Variants in ZFP91 observed in about 807,000 individuals in gnomAD.
The protein encoded by ZFP91 is ZFP91 zinc finger protein, atypical E3 ubiquitin ligase.
A neutral mutation model predicts 63.5 loss-of-function variants in ZFP91; 7 were observed. The ratio of observed to expected loss-of-function variants is 0.11; its 90% CI spans 0.06 to 0.21. ZFP91 has a LOEUF of 0.21. ZFP91 is among the 10% of genes least tolerant of loss of function. The probability of loss-of-function intolerance (pLI) is 1.00; values close to 1 mark genes in which losing one functional copy is unlikely to be tolerated. For missense variants in ZFP91, 628 were observed against 736.6 expected, an observed-to-expected ratio of 0.85 and a Z score of 1.71; for synonymous variants, 330 against 272.1, an observed-to-expected ratio of 1.21 and a Z score of -2.10.
At chr11:58,604,934 A>G (rs746756738) in intron 2 of ZFP91, among the ~76,000 whole-genome samples, 11 of 152,076 alleles carry the variant, frequency 7.2e-5, no homozygotes, top group African/African-American at 1.2e-4. Context: ...TTAATTCCAC[A>G]CTATATGTAT....
At chr11:58,589,297 T>A (rs1855264929) in intron 2 of ZFP91, among the ~76,000 whole-genome samples, 1 of 152,166 alleles carries the variant, frequency 6.6e-6, no homozygotes, top group Non-Finnish European at 1.5e-5. Flanking sequence ...CTGGTCTGGC[T>A]AGGCAGTCCT....
Position 58,618,734 on chromosome 11 carries a change from G to A in ZFP91, c.*1028G>A, listed in dbSNP as rs1184989238. On this transcript the variant is annotated 3_prime_UTR_variant, in exon 11 of 11. Coordinates refer to ENST00000316059, the MANE Select transcript of ZFP91 (RefSeq NM_053023.5). ...CCTCTGAAATCATAGCTCTCCAGTGGCTTTTAAAGAAAGCTGGTCCTCAGC... is the reference window on the plus strand; with the variant it reads ...CCTCTGAAATCATAGCTCTCCAGTGACTTTTAAAGAAAGCTGGTCCTCAGC... The A allele has an allele frequency of 6.6e-6, 3 of 455,524 alleles. No individual in the cohort carries two copies. Among genetic ancestry groups the A allele is most frequent in the Non-Finnish European group, 1.3e-5 (3 of 226,672 alleles). The allele number at this position is 455,524 out of a possible 1,614,324, so 28.2% of individuals were successfully genotyped here.
At position 58,618,062 on chromosome 11, in the gene ZFP91, G is replaced by C. The variant is rs1855780767; in HGVS notation, c.*356G>C. 1 of 192,694 alleles carries C rather than the reference G, an allele frequency of 5.2e-6. No individual in the cohort carries two copies. The highest frequency in any genetic ancestry group is 1.9e-4 in the South Asian group (1 of 5,364). The allele number at this position is 192,694 out of a possible 1,614,324, so 11.9% of individuals were successfully genotyped here. On this transcript the variant is annotated 3_prime_UTR_variant, in exon 11 of 11. Transcript: ENST00000316059. ...TGTAACTCTGATGTGCTCTGGATCA[G>C]CTTTTAACTTTTAATCATATATTAC...
At chr11:58,583,776 T>G (rs1165292610) in intron 1 of ZFP91, among the ~76,000 whole-genome samples, 2 of 152,118 alleles carry the variant, frequency 1.3e-5, no homozygotes, top group African/African-American at 4.8e-5. Context: ...TAAAAAAGTA[T>G]GGAACAAACA....
At chr11:58,579,859 T>A (rs1056803014) in intron 1 of ZFP91, among the ~76,000 whole-genome samples, 7 of 152,098 alleles carry the variant, frequency 4.6e-5, no homozygotes, top group Admixed American at 3.9e-4. Context: ...AAATCATCTT[T>A]TGATACACCC....
intron 2 of ZFP91, among the ~76,000 whole-genome samples, chr11:58,602,654 G>C (rs767322780): frequency 1.3e-5 from 2 of 152,152 alleles, no homozygotes; most frequent in African/African-American, 4.8e-5. Flanking sequence ...TCTTAACTCA[G>C]GTACCTGTGA....
chr11:58,594,264 A>G (rs1246642368), intron 2 of ZFP91, among the ~76,000 whole-genome samples: 1 of 152,090 alleles, frequency 6.6e-6, no homozygotes, highest in Non-Finnish European at 1.5e-5. Context: ...TTCAATTCTC[A>G]AGACATGTAC....
Position 58,617,448 on chromosome 11 carries a change from G to C in ZFP91, c.1455G>C (p.Gln485His). 2 of 1,614,094 alleles carry C rather than the reference G, an allele frequency of 1.2e-6. No homozygotes were observed. The highest frequency in any genetic ancestry group is 1.1e-5 in the South Asian group (1 of 91,066). ...GCACTAACCCAGAGTCCCTGACGCA[G>C]CCTTCAGATGGTCAGGGTCTTCCTC... The part of the protein sequence containing the change: ...ILGTNPESLT[Q>H]PSDGQGLPLL... Residue 485 changes from glutamine (Q) to histidine (H), a missense_variant, in exon 11 of 11, where the codon CAG (glutamine) becomes CAC (histidine). Physicochemically the swap from Gln to His is conservative, Grantham distance 24. Around this residue, in one of 3 missense-constraint regions of ZFP91, gnomAD observed 115 missense variants for 125.4 expected, o/e 0.92. Coordinates refer to ENST00000316059, the MANE Select transcript of ZFP91 (RefSeq NM_053023.5). This position sits in a 1 kb window ranked among gnomAD's most constrained non-coding sequence, Gnocchi z 4.2.
intron 2 of ZFP91, among the ~76,000 whole-genome samples, chr11:58,586,173 G>A (rs1855205764): frequency 6.6e-6 from 1 of 152,172 alleles, no homozygotes; most frequent in South Asian, 2.1e-4. Flanking sequence ...CAGGTAACAA[G>A]TCTAGAGCAT....
chr11:58,587,276 C>T (rs926651908), intron 2 of ZFP91, among the ~76,000 whole-genome samples: 1 of 152,104 alleles, frequency 6.6e-6, no homozygotes, highest in African/African-American at 2.4e-5. Flanking sequence ...TGTTGAGCAT[C>T]CACTATGTGT....
At position 58,620,328 on chromosome 11, in the gene ZFP91, C is replaced by T. The variant is rs1855827661; in HGVS notation, c.*2622C>T. On this transcript the variant is annotated 3_prime_UTR_variant, in exon 11 of 11. Coordinates refer to ENST00000316059, the MANE Select transcript of ZFP91 (RefSeq NM_053023.5). ...CTGCTCCATATGCCTCATTGTCCTT[C>T]CAGGGAGCTCTTTTAATCTTAAAGT... is the stretch of plus-strand genomic sequence containing the variant. 6.6e-6 allele frequency: 1 copy of T among 152,320 alleles called. No individual in the cohort carries two copies. The highest frequency in any genetic ancestry group is 2.1e-4 in the South Asian group (1 of 4,824). The allele number at this position is 152,320 out of a possible 1,614,324, so 9.4% of individuals were successfully genotyped here.
chr11:58,598,979 T>C (rs547019290), intron 2 of ZFP91, among the ~76,000 whole-genome samples: 4 of 152,196 alleles, frequency 2.6e-5, no homozygotes, highest in East Asian at 1.9e-4. Context: ...CCTGTTCAGC[T>C]GCAACAAACA....
At chr11:58,606,600 GCA>G (rs1855573912) in intron 2 of ZFP91, among the ~76,000 whole-genome samples, 1 of 152,020 alleles carries the variant, frequency 6.6e-6, no homozygotes, top group Admixed American at 6.6e-5. Flanking sequence ...ATCCCATCAT[GCA>G]GGTACTGAGC....
chr11:58,612,712 A>AGTACCACTTTTTTTTT (rs773698440), intron 7 of ZFP91, 50 bp from the exon 8 acceptor site: 3 of 1,366,850 alleles, frequency 2.2e-6, no homozygotes, highest in Non-Finnish European at 3.0e-6. Flanking sequence ...CACTGTGCAG[A>AGTACCACTTTTTTTTT]GTACCACTTT....
intron 2 of ZFP91, among the ~76,000 whole-genome samples, chr11:58,604,257 T>C (rs1855535444): frequency 6.6e-6 from 1 of 152,158 alleles, no homozygotes; most frequent in Admixed American, 6.5e-5. Flanking sequence ...TAATCCACTA[T>C]GACTGATGTC....
intron 5 of ZFP91, 145 bp downstream of exon 5, chr11:58,611,199 C>G (rs1855655910): frequency 1.6e-6 from 1 of 623,518 alleles, no homozygotes; most frequent in Non-Finnish European, 2.7e-6. Context: ...TTTTGTAAGT[C>G]TAACACCTTA....
intron 5 of ZFP91, 139 bp downstream of exon 5, chr11:58,611,193 G>A: frequency 1.5e-6 from 1 of 656,670 alleles, no homozygotes. Context: ...CACTTCTTTT[G>A]TAAGTCTAAC....
At chr11:58,610,898 C>T (rs1855649335) in intron 4 of ZFP91, 52 bp from the exon 5 acceptor site, 1 of 1,542,784 alleles carries the variant, frequency 6.5e-7, no homozygotes, top group Non-Finnish European at 8.9e-7. Context: ...AAAATCCCCT[C>T]AGACATGTTC....
At chr11:58,590,678 T>A (rs1470349544) in intron 2 of ZFP91, among the ~76,000 whole-genome samples, 3 of 152,256 alleles carry the variant, frequency 2.0e-5, no homozygotes, top group African/African-American at 7.2e-5. Context: ...TTTGTACTTT[T>A]CAGTGTATAG....
Sources: gnomAD v4.1 joint callset for allele counts (sites outside exome capture counted in the v4.1 genomes callset) on GRCh38, gnomAD v4.1.1 for gene constraint, gnomAD v4.1.1 regional missense constraint, Gnocchi (gnomAD v3.1) non-coding constraint, MANE v1.5 for transcripts, NCBI Gene and HGNC (gene_info 2026-07-23, HGNC 2026-07-21) for gene names.